Variants in SHB observed in about 807,000 individuals in gnomAD.
SHB encodes the protein SH2 domain containing adaptor protein B.
Under a neutral mutation model 52.3 loss-of-function variants are expected in SHB, and 20 were observed. That is an observed-to-expected ratio of 0.38 (90% CI 0.27 to 0.56). The LOEUF is 0.56. Among genes scored for constraint, SHB ranks in the 20% least tolerant of loss-of-function variants. The pLI, the probability that SHB is intolerant of heterozygous loss-of-function variation, is 0.71. For synonymous variants in SHB, 397 were observed against 316.5 expected (o/e 1.25, Z -2.70); for missense variants, 825 against 723.3 (o/e 1.14, Z -1.61).
chr9:38,040,476 G>A (rs12350585), intron 1 of SHB, among the ~76,000 whole-genome samples: 6,871 of 152,290 alleles, frequency 0.045, 510 homozygotes, highest in African/African-American at 0.15. Flanking sequence ...AGAGGGCACA[G>A]GGTCAGCCAG....
intron 1 of SHB, among the ~76,000 whole-genome samples, chr9:38,044,873 C>CCATG (rs1193160767): frequency 6.6e-6 from 1 of 152,232 alleles, no homozygotes; most frequent in African/African-American, 2.4e-5. Flanking sequence ...TCTCCAGGAG[C>CCATG]CATGACATGG....
intron 1 of SHB, among the ~76,000 whole-genome samples, chr9:38,024,985 G>T (rs193210854): frequency 3.5e-3 from 538 of 152,352 alleles, no homozygotes; most frequent in Middle Eastern, 0.01. Context: ...GGGGACAGAA[G>T]GCTGTGAGTG....
chr9:37,978,596 TTAAACA>T (rs1236583642), intron 2 of SHB, among the ~76,000 whole-genome samples: 1 of 152,186 alleles, frequency 6.6e-6, no homozygotes, highest in Non-Finnish European at 1.5e-5. Context: ...CGCAGGCTTT[TTAAACA>T]AGTCTCCGTC....
intron 5 of SHB, among the ~76,000 whole-genome samples, chr9:37,940,403 CAAAGAGTGTT>C (rs1832421500): frequency 1.3e-5 from 2 of 152,234 alleles, no homozygotes; most frequent in African/African-American, 4.8e-5. Context: ...TAGTCCTCTG[CAAAGAGTGTT>C]TGAGGAGTCT....
chr9:37,976,882 C>T (rs1394282195), intron 2 of SHB, among the ~76,000 whole-genome samples: 3 of 152,190 alleles, frequency 2.0e-5, no homozygotes, highest in Non-Finnish European at 4.4e-5. Context: ...GACATCAGCC[C>T]TTCCGAGAAA....
Position 38,058,758 on chromosome 9 carries a change from T to A in SHB, c.717+9171A>T, listed in dbSNP as rs541178265. Among the ~76,000 whole-genome samples, 90 of 152,254 alleles carry A rather than the reference T, an allele frequency of 5.9e-4. No individual in the cohort carries two copies. The South Asian group carries it at 0.014, about 23-fold the overall frequency. On this transcript the variant is annotated intron_variant, in intron 1 of 5. Coordinates refer to ENST00000377707, the MANE Select transcript of SHB (RefSeq NM_003028.3). ...TCAGTCATATAGATCTCTGCATTGC[T>A]CCCTGAACCACCGAGGCATGCTACT...
intron 2 of SHB, among the ~76,000 whole-genome samples, chr9:37,981,192 A>C (rs551718643): frequency 7.6e-4 from 116 of 152,206 alleles, no homozygotes; most frequent in Non-Finnish European, 1.5e-3. Flanking sequence ...CTTCCAATAG[A>C]AGGCTGCTTT....
At chr9:37,941,111 G>A (rs1237276611) in intron 5 of SHB, among the ~76,000 whole-genome samples, 1 of 152,184 alleles carries the variant, frequency 6.6e-6, no homozygotes, top group African/African-American at 2.4e-5. Context: ...CTTTCCAGCT[G>A]TAGCCAATAA....
intron 4 of SHB, 111 bp from the exon 5 acceptor site, chr9:37,948,865 T>C: frequency 1.4e-6 from 2 of 1,407,912 alleles, no homozygotes; most frequent in Non-Finnish European, 1.9e-6. Flanking sequence ...CAAGCAGGCA[T>C]GCACTGGTTC....
At chr9:38,002,444 C>T (rs573078226) in intron 2 of SHB, among the ~76,000 whole-genome samples, 1 of 152,248 alleles carries the variant, frequency 6.6e-6, no homozygotes, top group South Asian at 2.1e-4. Context: ...GACAGGGTTC[C>T]TACAGGGGAA....
intron 3 of SHB, among the ~76,000 whole-genome samples, chr9:37,966,809 C>T (rs1006134229): frequency 4.6e-5 from 7 of 152,110 alleles, no homozygotes; most frequent in Non-Finnish European, 1.0e-4. Context: ...ATTCTGAGCA[C>T]GTGAAGATGA....
At chr9:38,051,552 A>G (rs1290689059) in intron 1 of SHB, among the ~76,000 whole-genome samples, 1 of 152,046 alleles carries the variant, frequency 6.6e-6, no homozygotes, top group African/African-American at 2.4e-5. Flanking sequence ...TTCAGGCCCA[A>G]GGCCTGGGAA....
chr9:38,016,749 A>T (rs1821219056), intron 1 of SHB, among the ~76,000 whole-genome samples: 1 of 152,244 alleles, frequency 6.6e-6, no homozygotes, highest in Admixed American at 6.5e-5. Flanking sequence ...AGCCAGGGCC[A>T]GTAAGGACCT....
At chr9:37,943,865 A>G (rs1242914390) in intron 5 of SHB, among the ~76,000 whole-genome samples, 1 of 152,098 alleles carries the variant, frequency 6.6e-6, no homozygotes, top group Admixed American at 6.6e-5. Flanking sequence ...CCAAACCAGA[A>G]CTTGCCAAGA....
rs1832578124 is a variant in SHB, at chr9:37,952,551, A to ACAGT, written c.1226+3328_1226+3331dup. On this transcript the variant is annotated intron_variant, in intron 4 of 5. Transcript: ENST00000377707. ...TTACTTGCCCTGGGAAATCTTACAG[A>ACAGT]CAGTCAGTCAGGTTGGCGTGAGGAG... 4.6e-5 allele frequency among the ~76,000 whole-genome samples: 7 copies of ACAGT among 152,118 alleles called. No homozygotes were observed. In the South Asian group the frequency reaches 1.5e-3, roughly 32 times the overall value.
At chr9:38,017,410 G>A (rs185144893) in intron 1 of SHB, among the ~76,000 whole-genome samples, 124 of 152,328 alleles carry the variant, frequency 8.1e-4, no homozygotes, top group African/African-American at 2.8e-3. Context: ...GCAAACTCAG[G>A]GGAAGGGAAA....
chr9:37,955,483 T>C (rs1440033810), intron 4 of SHB, among the ~76,000 whole-genome samples: 1 of 152,030 alleles, frequency 6.6e-6, no homozygotes, highest in Non-Finnish European at 1.5e-5. Context: ...TGGGTATTTA[T>C]TTATTTTTTT....
At chr9:37,946,329 G>A (rs754809842) in intron 5 of SHB, among the ~76,000 whole-genome samples, 2 of 152,234 alleles carry the variant, frequency 1.3e-5, no homozygotes, top group South Asian at 2.1e-4. Flanking sequence ...GAGGGGAAAT[G>A]ACGCTTCTGG....
intron 3 of SHB, among the ~76,000 whole-genome samples, chr9:37,974,374 CTT>C (rs959738723): frequency 1.3e-5 from 2 of 152,216 alleles, no homozygotes; most frequent in Non-Finnish European, 2.9e-5. Flanking sequence ...TGAGCCCTCT[CTT>C]TAAAGTGTGG....
Sources: allele counts gnomAD v4.1 joint callset (sites outside exome capture counted in the v4.1 genomes callset), GRCh38; gene constraint gnomAD v4.1.1; transcripts MANE v1.5; gene names NCBI Gene and HGNC (gene_info 2026-07-23, HGNC 2026-07-21).